The following NBAS variants were observed in gnomAD, a reference collection of about 807,000 sequenced individuals.
NBAS encodes the protein NBAS subunit of NRZ tethering complex.
In NBAS, 219 loss-of-function variants were observed where a neutral mutation model predicts 302.5. That is an observed-to-expected ratio of 0.72 (90% CI 0.65 to 0.81). The LOEUF is 0.81. NBAS is among the 30% of genes least tolerant of loss of function. The pLI is 0.00. For missense variants in NBAS, 2,932 were observed against 2,841.6 expected (o/e 1.03, Z -0.72); for synonymous variants, 1,118 against 1,021.6 (o/e 1.09, Z -1.80).
intron 41 of NBAS, among the ~76,000 whole-genome samples, chr2:15,291,101 C>T (rs1390783235): frequency 1.1e-4 from 16 of 152,206 alleles, no homozygotes; most frequent in Admixed American, 7.2e-4. Context: ...CACCATTTTA[C>T]CTTAGTTTCA....
chr2:15,353,612 G>C lies in NBAS; in HGVS notation c.4030C>G (p.His1344Asp). 1 of 1,614,090 alleles carries C rather than the reference G, an allele frequency of 6.2e-7. No homozygotes were observed. ...RQELMAFALT[H>D]CPPSSIELLL... ...AGTTCAATGCTGCTAGGAGGGCAAT[G>C]TGTCAAAGCAAAAGCCATGAGCTCT... The change falls in exon 34 of 52, where the codon CAT (histidine) becomes GAT (aspartate). Residue 1344 changes from histidine to aspartate, a missense_variant. His to Asp is a moderately conservative substitution (Grantham distance 81, BLOSUM62 -1). Coordinates refer to ENST00000281513, the MANE Select transcript of NBAS (RefSeq NM_015909.4).
At chr2:14,868,740 C>A in the NBAS span, among the ~76,000 whole-genome samples, 1 of 152,218 alleles carries the variant, frequency 6.6e-6, no homozygotes, top group East Asian at 1.9e-4. Context: ...ATCTATATGG[C>A]TTTGTCTTTC....
chr2:15,093,390 T>TGAGAAACA, the NBAS span, among the ~76,000 whole-genome samples: 6 of 152,188 alleles, frequency 3.9e-5, no homozygotes, highest in Non-Finnish European at 8.8e-5. Context: ...TACTCCAGCC[T>TGAGAAACA]GAGCAACAGA....
At chr2:15,049,323 C>T in the NBAS span, among the ~76,000 whole-genome samples, 6 of 152,230 alleles carry the variant, frequency 3.9e-5, no homozygotes, top group Non-Finnish European at 8.8e-5. Context: ...AGGCCTCCCA[C>T]ATGCCACCAC....
the NBAS span, among the ~76,000 whole-genome samples, chr2:15,074,338 G>C: frequency 6.7e-6 from 1 of 149,370 alleles, no homozygotes; most frequent in East Asian, 2.0e-4. Flanking sequence ...AAGAAGAAGG[G>C]AGGGAGGGAA....
chr2:15,422,858 T>C (rs1414868814), intron 23 of NBAS, among the ~76,000 whole-genome samples: 3 of 152,200 alleles, frequency 2.0e-5, no homozygotes, highest in East Asian at 1.9e-4. Flanking sequence ...GCTTTATCTA[T>C]AAGTTCAACT....
the NBAS span, among the ~76,000 whole-genome samples, chr2:15,147,040 C>T: frequency 5.3e-5 from 8 of 152,232 alleles, no homozygotes; most frequent in South Asian, 6.2e-4. Flanking sequence ...CCCTTGTTAT[C>T]GTGTGCATTT....
At chr2:14,901,442 A>T in the NBAS span, among the ~76,000 whole-genome samples, 36,016 of 91,656 alleles carry the variant, frequency 0.39, 4,434 homozygotes, top group African/African-American at 0.5. Flanking sequence ...GGTAATTTTA[A>T]AAAAAAAAAT....
At chr2:14,909,099 G>T in the NBAS span, among the ~76,000 whole-genome samples, 1 of 152,050 alleles carries the variant, frequency 6.6e-6, no homozygotes, top group Non-Finnish European at 1.5e-5. Context: ...TTGGGAGGCC[G>T]AGGCGGGCGG....
chr2:15,495,572 C>A lies in NBAS; in HGVS notation c.955-6550G>T, dbSNP rs141429331. ...CCATATTGTTAGAGATGAAAAATTG[C>A]ATGATAAAAGTATAAATAAACAGAT... On this transcript the variant is annotated intron_variant, in intron 11 of 51. Transcript: ENST00000281513. Among the ~76,000 whole-genome samples the A allele has an allele frequency of 2.1e-4, 32 of 152,090 alleles. 1 individual carries two copies. In the East Asian group the frequency reaches 5.8e-3, roughly 28 times the overall value.
the NBAS span, among the ~76,000 whole-genome samples, chr2:14,987,126 T>C: frequency 1.3e-5 from 2 of 152,156 alleles, no homozygotes; most frequent in Admixed American, 1.3e-4. Flanking sequence ...ATAATCTGGC[T>C]CATGAAATGC....
chr2:15,132,627 A>G, the NBAS span, among the ~76,000 whole-genome samples: 3 of 152,210 alleles, frequency 2.0e-5, no homozygotes, highest in Non-Finnish European at 2.9e-5. Flanking sequence ...TAACAAATGT[A>G]CCAAATTGTA....
At chr2:15,442,740 A>C (rs1375605862) in intron 21 of NBAS, among the ~76,000 whole-genome samples, 5 of 152,004 alleles carry the variant, frequency 3.3e-5, no homozygotes, top group Admixed American at 1.3e-4. Flanking sequence ...GATCAACAAA[A>C]TTGATAGACC....
chr2:14,804,925 G>A, the NBAS span, among the ~76,000 whole-genome samples: 1 of 152,152 alleles, frequency 6.6e-6, no homozygotes, highest in Non-Finnish European at 1.5e-5. Context: ...CAAACAGAAG[G>A]ACCCTGTCAA....
the NBAS span, among the ~76,000 whole-genome samples, chr2:14,858,618 T>A: frequency 7.0e-6 from 1 of 143,302 alleles, no homozygotes; most frequent in African/African-American, 2.9e-5. Flanking sequence ...ATTGAAATAA[T>A]TGAACTCATG....
chr2:15,298,944 T>C (rs1356772970), intron 40 of NBAS, among the ~76,000 whole-genome samples: 3 of 152,150 alleles, frequency 2.0e-5, no homozygotes, highest in Non-Finnish European at 4.4e-5. Flanking sequence ...CCCACCCGCT[T>C]GCCCCACACT....
chr2:14,858,493 G>T, the NBAS span, among the ~76,000 whole-genome samples: 2 of 152,000 alleles, frequency 1.3e-5, no homozygotes, highest in Non-Finnish European at 2.9e-5. Context: ...ACAGAATGAG[G>T]TCCTGTCACT....
the NBAS span, among the ~76,000 whole-genome samples, chr2:14,884,093 A>G: frequency 6.6e-6 from 1 of 152,172 alleles, no homozygotes; most frequent in Non-Finnish European, 1.5e-5. Context: ...CTTGGCAGCA[A>G]AGAGAACAGA....
the NBAS span, among the ~76,000 whole-genome samples, chr2:14,836,199 T>C: frequency 6.6e-6 from 1 of 152,008 alleles, no homozygotes; most frequent in East Asian, 1.9e-4. Context: ...AAGAGGTTTT[T>C]GTTATTTACA....
Sources: gnomAD v4.1 joint callset for allele counts (sites outside exome capture counted in the v4.1 genomes callset) on GRCh38, gnomAD v4.1.1 for gene constraint, MANE v1.5 for transcripts, NCBI Gene and HGNC (gene_info 2026-07-23, HGNC 2026-07-21) for gene names.